PRICKLE2: variants seen among roughly 807,000 people sequenced by gnomAD.
The protein encoded by PRICKLE2 is prickle planar cell polarity protein 2.
In PRICKLE2, 21 loss-of-function variants were observed where a neutral mutation model predicts 81.4. The ratio of observed to expected loss-of-function variants is 0.26; its 90% CI spans 0.18 to 0.37. The LOEUF (loss-of-function observed/expected upper bound fraction) is 0.37, where lower values mean the gene tolerates loss of function less well. PRICKLE2 is among the 10% of genes least tolerant of loss of function. PRICKLE2 has a pLI of 1.00. For synonymous variants in PRICKLE2, 456 were observed against 421.5 expected (o/e 1.08, Z -1.00); for missense variants, 940 against 1,109.0 (o/e 0.85, Z 2.16).
Position 64,147,282 on chromosome 3 carries a change from T to C in PRICKLE2, c.1208A>G (p.Tyr403Cys). 1 of 1,612,848 alleles carries C rather than the reference T, an allele frequency of 6.2e-7. No homozygotes were observed. Among genetic ancestry groups the C allele is most frequent in the Non-Finnish European group, 8.5e-7 (1 of 1,179,046 alleles). Residue 403 changes from tyrosine (Y) to cysteine (C), a missense_variant, in exon 7 of 8, where the codon TAT becomes TGT. Tyr to Cys is a radical substitution (Grantham distance 194). This residue lies in a region of PRICKLE2 where 670 missense variants were observed against 717.2 expected (regional missense o/e 0.93). Transcript: ENST00000638394. The surrounding 1 kb of genome is among the most constrained non-coding windows in gnomAD (Gnocchi z 5.0). ...CTGGTTCTGCTCCATCTTGTTCCCATAATGGTAGGGCTCTTCCCGGCTCCT... is the reference window on the plus strand; with the variant it reads ...CTGGTTCTGCTCCATCTTGTTCCCACAATGGTAGGGCTCTTCCCGGCTCCT... ...IWRSREEPYH[Y>C]GNKMEQNQTQ...
chr3:64,214,799 CGT>C (rs2078846167), intron 1 of PRICKLE2, among the ~76,000 whole-genome samples: 1 of 152,136 alleles, frequency 6.6e-6, no homozygotes, highest in Non-Finnish European at 1.5e-5. Flanking sequence ...CCCCGCACTG[CGT>C]CCCAAGCCTG....
chr3:64,246,962 T>C (rs1296437007), intron 2 of PRICKLE2, among the ~76,000 whole-genome samples: 1 of 152,184 alleles, frequency 6.6e-6, no homozygotes, highest in Non-Finnish European at 1.5e-5. Context: ...GCAATACTTA[T>C]TCACAGGAAG....
upstream of PRICKLE2, among the ~76,000 whole-genome samples, chr3:64,229,114 C>T (rs916491573): frequency 1.3e-5 from 2 of 152,072 alleles, no homozygotes; most frequent in Admixed American, 6.6e-5. Flanking sequence ...GGAATAAGAA[C>T]ATGAGTAGGA....
intron 2 of PRICKLE2, among the ~76,000 whole-genome samples, chr3:64,255,274 T>C (rs1400109623): frequency 6.6e-6 from 1 of 152,218 alleles, no homozygotes; most frequent in Non-Finnish European, 1.5e-5. Flanking sequence ...TCCATGTGAC[T>C]AGAGAAAAAG....
At chr3:64,102,498 G>C (rs2076683386) in intron 7 of PRICKLE2, 1 of 152,486 alleles carries the variant, frequency 6.6e-6, no homozygotes, top group Admixed American at 6.5e-5. Flanking sequence ...ATCCATAACT[G>C]TCTCCCATTA....
intron 7 of PRICKLE2, among the ~76,000 whole-genome samples, chr3:64,135,157 A>G (rs1017270351): frequency 2.0e-5 from 3 of 152,226 alleles, no homozygotes; most frequent in Non-Finnish European, 2.9e-5. Context: ...AAGCAAGAAT[A>G]TGCAAGAATC....
chr3:64,262,255 C>A (rs1424620050), intron 2 of PRICKLE2, among the ~76,000 whole-genome samples: 1 of 152,006 alleles, frequency 6.6e-6, no homozygotes, highest in Admixed American at 6.6e-5. Flanking sequence ...AGGACTTATT[C>A]CCATTGGATA....
chr3:64,141,932 C>G, intron 7 of PRICKLE2: 1 of 984,800 alleles, frequency 1.0e-6, no homozygotes, highest in Non-Finnish European at 1.2e-6. Flanking sequence ...GTGGCACGTA[C>G]CTGGTATTCA....
chr3:64,213,561 T>C (rs1239530215), intron 1 of PRICKLE2, among the ~76,000 whole-genome samples: 1 of 152,142 alleles, frequency 6.6e-6, no homozygotes, highest in Non-Finnish European at 1.5e-5. Context: ...ATGAAGAAAG[T>C]GAAGTTCAGA....
chr3:64,113,078 T>C (rs830357), intron 7 of PRICKLE2, among the ~76,000 whole-genome samples: 134,822 of 152,178 alleles, frequency 0.89, 59,818 homozygotes, highest in East Asian at 1. Flanking sequence ...AACCTGCTCT[T>C]GTCACAGGCC....
chr3:64,225,311 C>T lies in PRICKLE2; in HGVS notation c.-442G>A. 1.0e-6 allele frequency: 1 copy of T among 985,434 alleles called. No individual in the cohort carries two copies. Among genetic ancestry groups the T allele is most frequent in the Non-Finnish European group, 1.2e-6 (1 of 829,974 alleles). 61.0% of individuals were successfully genotyped at this position (985,434 alleles called of 1,614,324 possible). A position where few individuals can be genotyped will look rare whatever the true frequency, so the allele number is the denominator to read the frequency against. ...GAAGGAAGAAGTCATAGACTCCAGC[C>T]CAGCGTCACCAGCTGATCCTGAGCC... On this transcript the variant is annotated 5_prime_UTR_variant, in exon 1 of 8. Coordinates refer to ENST00000638394, the MANE Select transcript of PRICKLE2 (RefSeq NM_198859.4).
At chr3:64,198,750 C>A in intron 2 of PRICKLE2, 34 bp downstream of exon 2, 2 of 1,611,192 alleles carry the variant, frequency 1.2e-6, no homozygotes, top group African/African-American at 1.3e-5. Context: ...GTGAAACACC[C>A]AAACCACCAG....
At chr3:64,113,045 G>T (rs1455736109) in intron 7 of PRICKLE2, among the ~76,000 whole-genome samples, 2 of 152,276 alleles carry the variant, frequency 1.3e-5, no homozygotes, top group East Asian at 3.9e-4. Context: ...AGGGGGAATG[G>T]GTGAGTTGAA....
At chr3:64,220,500 C>A (rs1377384147) in intron 1 of PRICKLE2, among the ~76,000 whole-genome samples, 1 of 152,158 alleles carries the variant, frequency 6.6e-6, no homozygotes, top group African/African-American at 2.4e-5. Context: ...AAAGAAAGGG[C>A]TCCTGTGCTG....
At chr3:64,107,667 C>T (rs938308509) in intron 7 of PRICKLE2, among the ~76,000 whole-genome samples, 2 of 152,130 alleles carry the variant, frequency 1.3e-5, no homozygotes, top group South Asian at 2.1e-4. Flanking sequence ...CATACTAAGA[C>T]CCCCTAACTA....
intron 2 of PRICKLE2, among the ~76,000 whole-genome samples, chr3:64,232,351 G>C (rs1391065308): frequency 6.6e-6 from 1 of 152,144 alleles, no homozygotes; most frequent in Non-Finnish European, 1.5e-5. Flanking sequence ...TAAAAAGCTT[G>C]ACAATGCTTC....
intron 7 of PRICKLE2, among the ~76,000 whole-genome samples, chr3:64,129,634 A>G (rs1214340768): frequency 6.6e-6 from 1 of 152,130 alleles, no homozygotes; most frequent in Non-Finnish European, 1.5e-5. Context: ...ACCTGGAGTG[A>G]CAGAAGGAAC....
chr3:64,183,496 C>T (rs2107084426), intron 2 of PRICKLE2, among the ~76,000 whole-genome samples: 1 of 151,948 alleles, frequency 6.6e-6, no homozygotes, highest in South Asian at 2.1e-4. Flanking sequence ...AAAAACATAG[C>T]CTCAAATGCA....
intron 7 of PRICKLE2, among the ~76,000 whole-genome samples, chr3:64,134,576 G>A (rs1336522916): frequency 6.9e-6 from 1 of 144,532 alleles, no homozygotes; most frequent in Non-Finnish European, 1.5e-5. Flanking sequence ...GACGCCTGTA[G>A]TGTCCTGCAC....
Sources: gnomAD v4.1 joint callset for allele counts (sites outside exome capture counted in the v4.1 genomes callset) on GRCh38, gnomAD v4.1.1 for gene constraint, gnomAD v4.1.1 regional missense constraint, Gnocchi (gnomAD v3.1) non-coding constraint, MANE v1.5 for transcripts, NCBI Gene and HGNC (gene_info 2026-07-23, HGNC 2026-07-21) for gene names.